Variants in DLGAP4 observed in about 807,000 individuals in gnomAD.
DLGAP4 encodes disks large-associated protein 4.
A neutral mutation model predicts 86.9 loss-of-function variants in DLGAP4; 18 were observed. The ratio of observed to expected loss-of-function variants is 0.21; its 90% CI spans 0.14 to 0.31. The LOEUF is 0.31. DLGAP4 is among the 10% of genes least tolerant of loss of function. The pLI, the probability that DLGAP4 is intolerant of heterozygous loss-of-function variation, is 1.00. For missense variants in DLGAP4, 1,085 were observed against 1,362.6 expected, an observed-to-expected ratio of 0.80 and a Z score of 3.21; for synonymous variants, 548 against 574.3, an observed-to-expected ratio of 0.95 and a Z score of 0.65.
intron 7 of DLGAP4, among the ~76,000 whole-genome samples, chr20:36,490,618 G>A (rs2035618085): frequency 6.6e-6 from 1 of 152,224 alleles, no homozygotes; most frequent in African/African-American, 2.4e-5. Flanking sequence ...TGTCTTTGCT[G>A]TAAAGCCTGA....
chr20:36,499,093 T>G, intron 8 of DLGAP4: 1 of 765,904 alleles, frequency 1.3e-6, no homozygotes, highest in Non-Finnish European at 2.1e-6. Context: ...CCCTCCAGGT[T>G]TCTGCCACAG....
chr20:36,402,494 T>G (rs1226475842), intron 2 of DLGAP4, among the ~76,000 whole-genome samples: 2 of 152,138 alleles, frequency 1.3e-5, no homozygotes, highest in Non-Finnish European at 2.9e-5. Context: ...ATGCCTGTCA[T>G]CCCAGCACTT....
intron 2 of DLGAP4, among the ~76,000 whole-genome samples, chr20:36,414,197 A>G (rs2032588953): frequency 6.6e-6 from 1 of 152,220 alleles, no homozygotes; most frequent in Non-Finnish European, 1.5e-5. Context: ...AGCCCCCACA[A>G]GCACAACAAC....
intron 2 of DLGAP4, among the ~76,000 whole-genome samples, chr20:36,398,723 T>A (rs1178639977): frequency 6.6e-6 from 1 of 152,180 alleles, no homozygotes; most frequent in Admixed American, 6.5e-5. Context: ...AGAGGTTGAG[T>A]AACCTGCCCA....
chr20:36,526,082 G>A (rs760344446), intron 12 of DLGAP4, 76 bp downstream of exon 12: 187 of 1,601,708 alleles, frequency 1.2e-4, no homozygotes, highest in Non-Finnish European at 1.5e-4. Flanking sequence ...ACATCGGTCA[G>A]TGCTGCTTGG....
chr20:36,448,409 A>G (rs544338756), intron 7 of DLGAP4, among the ~76,000 whole-genome samples: 6 of 152,310 alleles, frequency 3.9e-5, no homozygotes, highest in South Asian at 4.1e-4. Context: ...TTGTTTATCA[A>G]TAGTAGAGAG....
chr20:36,393,653 A>C lies in DLGAP4; in HGVS notation c.-73+26378A>C, dbSNP rs910989509. ...CAGCCCCTTTAGAGAGCTGAGAACCAAAGTGAGAAACTGAGGCCGACCCTG... is the reference window on the plus strand; with the variant it reads ...CAGCCCCTTTAGAGAGCTGAGAACCCAAGTGAGAAACTGAGGCCGACCCTG... On this transcript the variant is annotated intron_variant, in intron 2 of 12. Coordinates refer to ENST00000339266, the MANE Select transcript of DLGAP4 (RefSeq NM_001365621.2). This position sits in a 1 kb window ranked among gnomAD's most constrained non-coding sequence, Gnocchi z 4.4. 6.6e-6 allele frequency among the ~76,000 whole-genome samples: 1 copy of C among 152,146 alleles called. No individual in the cohort carries two copies. The highest frequency in any genetic ancestry group is 2.4e-5 in the African/African-American group (1 of 41,434).
intron 7 of DLGAP4, among the ~76,000 whole-genome samples, chr20:36,493,515 T>TG (rs2035755543): frequency 6.6e-6 from 1 of 152,220 alleles, no homozygotes; most frequent in Non-Finnish European, 1.5e-5. Context: ...AGCAGGAGCC[T>TG]GGAAGCCAGG....
At chr20:36,436,445 GC>G (rs1360753521) in intron 4 of DLGAP4, 95 bp downstream of exon 4, 1 of 1,429,806 alleles carries the variant, frequency 7.0e-7, no homozygotes, top group South Asian at 1.5e-5. Context: ...ATTAAAATAA[GC>G]CCCGCCTGCG....
chr20:36,525,084 G>A (rs2037625733), intron 11 of DLGAP4, among the ~76,000 whole-genome samples: 1 of 150,574 alleles, frequency 6.6e-6, no homozygotes, highest in South Asian at 2.1e-4. Flanking sequence ...CAGGCGTAGT[G>A]GCGGGTGCCT....
At chr20:36,311,789 G>T (rs1262892555) in intron 1 of DLGAP4, among the ~76,000 whole-genome samples, 9 of 152,202 alleles carry the variant, frequency 5.9e-5, no homozygotes, top group Non-Finnish European at 1.0e-4. Context: ...TGGACGAAAG[G>T]CTCCCTCCCC....
chr20:36,419,528 G>A (rs1406481830), intron 2 of DLGAP4, among the ~76,000 whole-genome samples: 1 of 152,120 alleles, frequency 6.6e-6, no homozygotes, highest in Admixed American at 6.6e-5. Flanking sequence ...GTCAGGAATC[G>A]GGTAATGGCT....
At chr20:36,454,658 C>G (rs1056831504) in intron 7 of DLGAP4, among the ~76,000 whole-genome samples, 1 of 152,204 alleles carries the variant, frequency 6.6e-6, no homozygotes, top group Non-Finnish European at 1.5e-5. Flanking sequence ...TTCTCCACCC[C>G]CAGGGCTGTT....
chr20:36,317,220 C>CT (rs1414809247), intron 1 of DLGAP4, among the ~76,000 whole-genome samples: 1 of 117,194 alleles, frequency 8.5e-6, no homozygotes, highest in Non-Finnish European at 1.9e-5. Flanking sequence ...CCTTCCTCTC[C>CT]TTTTTTCTTT....
intron 10 of DLGAP4, among the ~76,000 whole-genome samples, chr20:36,514,047 A>G (rs2036889876): frequency 6.6e-6 from 1 of 152,194 alleles, no homozygotes; most frequent in Non-Finnish European, 1.5e-5. Context: ...AGTAGAGAAG[A>G]CAAGCTGTCT....
chr20:36,468,138 G>A (rs2034501091), intron 7 of DLGAP4, among the ~76,000 whole-genome samples: 1 of 152,232 alleles, frequency 6.6e-6, no homozygotes. Context: ...GGAAGAGTCA[G>A]AGGAGCTAGG....
chr20:36,469,524 G>A (rs145703099), intron 7 of DLGAP4, among the ~76,000 whole-genome samples: 3,953 of 152,206 alleles, frequency 0.026, 205 homozygotes, highest in African/African-American at 0.091. Flanking sequence ...AGGCTGAGGC[G>A]GGCGGATCAC....
chr20:36,320,431 C>T (rs1350791139), intron 1 of DLGAP4, among the ~76,000 whole-genome samples: 1 of 152,044 alleles, frequency 6.6e-6, no homozygotes, highest in Non-Finnish European at 1.5e-5. Flanking sequence ...CAGGCCCACA[C>T]TGACCCTTGC....
At chr20:36,317,278 A>T (rs1367278047) in intron 1 of DLGAP4, among the ~76,000 whole-genome samples, 637 of 7,216 alleles carry the variant, frequency 0.088, 5 homozygotes, top group Middle Eastern at 0.12. Flanking sequence ...TTTCTTTCTT[A>T]TCTTTCTTTC....
Sources: allele counts gnomAD v4.1 joint callset (sites outside exome capture counted in the v4.1 genomes callset), GRCh38; gene constraint gnomAD v4.1.1; non-coding constraint Gnocchi (gnomAD v3.1); transcripts MANE v1.5; gene names NCBI Gene and HGNC (gene_info 2026-07-23, HGNC 2026-07-21).